Variants in ANO1 observed in about 807,000 individuals in gnomAD.
The protein encoded by ANO1 is anoctamin 1, also known as anoctamin-1.
A neutral mutation model predicts 124.0 loss-of-function variants in ANO1; 59 were observed. The observed-to-expected ratio is 0.48, with a 90% CI of 0.39 to 0.59. The LOEUF (loss-of-function observed/expected upper bound fraction) is 0.59. ANO1 is among the 20% of genes least tolerant of loss of function. The pLI, the probability that ANO1 is intolerant of heterozygous loss-of-function variation, is 0.00. For missense variants in ANO1, 1,059 were observed against 1,328.0 expected (o/e 0.80, Z 3.15); for synonymous variants, 529 against 532.0 (o/e 0.99, Z 0.08).
intron 22 of ANO1, among the ~76,000 whole-genome samples, chr11:70,176,154 C>T (rs866664263): frequency 8.5e-5 from 10 of 117,924 alleles, no homozygotes; most frequent in Non-Finnish European, 1.2e-4. Flanking sequence ...TATATATATA[C>T]ACTTTTTTTT....
the ANO1 span, among the ~76,000 whole-genome samples, chr11:69,970,458 G>A: frequency 0.49 from 74,461 of 152,096 alleles, 19,411 homozygotes; most frequent in South Asian, 0.63. Flanking sequence ...TGTTAGGAAA[G>A]GTTCGTGAAC....
At chr11:70,007,158 C>A (rs1193135060) in intron 1 of ANO1, among the ~76,000 whole-genome samples, 4 of 152,104 alleles carry the variant, frequency 2.6e-5, no homozygotes, top group Non-Finnish European at 5.9e-5. Flanking sequence ...GTTTTAGATA[C>A]CCCATATGAG....
the ANO1 span, among the ~76,000 whole-genome samples, chr11:69,977,719 C>T: frequency 2.0e-5 from 3 of 152,246 alleles, no homozygotes; most frequent in East Asian, 3.9e-4. Context: ...GCCAGCTCCT[C>T]ACCAGGGGAG....
chr11:70,139,354 A>G (rs2047067764), intron 11 of ANO1, among the ~76,000 whole-genome samples: 1 of 147,928 alleles, frequency 6.8e-6, no homozygotes, highest in Non-Finnish European at 1.5e-5. Context: ...ACGGTGTCTC[A>G]CTCTTGTTGT....
chr11:70,075,160 C>T (rs1282765272), upstream of ANO1: 1 of 152,202 alleles, frequency 6.6e-6, no homozygotes, highest in East Asian at 1.9e-4. Flanking sequence ...TGTTCAACTT[C>T]CCACTGAGTT....
intron 1 of ANO1, among the ~76,000 whole-genome samples, chr11:70,045,307 T>C (rs1857241952): frequency 6.6e-6 from 1 of 152,194 alleles, no homozygotes; most frequent in South Asian, 2.1e-4. Context: ...CCTTTTTCAT[T>C]GGTAGAAGTC....
intron 10 of ANO1, 44 bp from the exon 11 acceptor site, chr11:70,131,875 C>G: frequency 6.3e-7 from 1 of 1,575,880 alleles, no homozygotes; most frequent in Non-Finnish European, 8.6e-7. Context: ...GGTGCTCCAT[C>G]ATGGCCCAAC....
At chr11:70,166,174 C>T (rs1468672360) in intron 20 of ANO1, among the ~76,000 whole-genome samples, 1 of 151,982 alleles carries the variant, frequency 6.6e-6, no homozygotes, top group African/African-American at 2.4e-5. Flanking sequence ...AAAAATTAGC[C>T]GGGCGTGGTG....
chr11:70,027,808 A>AGGT (rs1446897136), intron 1 of ANO1, among the ~76,000 whole-genome samples: 2 of 152,292 alleles, frequency 1.3e-5, no homozygotes, highest in South Asian at 2.1e-4. Flanking sequence ...TAGTGGGGAA[A>AGGT]GGTGAGGTGG....
rs114452299 is a variant in ANO1 at position 70,187,839 on chromosome 11, G to C, written c.2796G>C (p.Glu932Asp). 6.9e-5 allele frequency: 111 copies of C among 1,608,962 alleles called. No individual in the cohort carries two copies. In the African/African-American group the frequency reaches 1.4e-3, roughly 20 times the overall value. The stretch of plus-strand genomic sequence containing the variant: ...ACAAGGAGAAGGTGCTCATGGTGGA[G>C]CTGTTCATGCGGGAGGAGCAAGACA... ...QIHKEKVLMVELFMREEQDKQ... is the reference protein window; with the variant it reads ...QIHKEKVLMVDLFMREEQDKQ... The change falls in exon 26 of 26, where the codon GAG (glutamate) becomes GAC (aspartate). Residue 932 changes from glutamate (E) to aspartate (D), a missense_variant. By Grantham distance (45) the Glu-to-Asp change is conservative (BLOSUM62 2). This residue lies in a region of ANO1 where 809 missense variants were observed against 1,094.9 expected (regional missense o/e 0.74). Transcript: ENST00000355303.
At chr11:70,048,778 G>A (rs1049020840) in intron 1 of ANO1, among the ~76,000 whole-genome samples, 7 of 150,902 alleles carry the variant, frequency 4.6e-5, no homozygotes, top group East Asian at 2.0e-4. Flanking sequence ...TGTTTTGTGC[G>A]TGCCGGAGAC....
intron 1 of ANO1, among the ~76,000 whole-genome samples, chr11:70,009,188 G>C (rs1326405966): frequency 6.6e-6 from 1 of 152,300 alleles, no homozygotes; most frequent in East Asian, 1.9e-4. Context: ...AGGACAAAGG[G>C]ACACAGTGGA....
chr11:70,088,073 C>G lies in ANO1; in HGVS notation c.430C>G (p.Arg144Gly). The change falls in exon 2 of 26, where the codon CGG becomes GGG. Residue 144 changes from arginine (R) to glycine (G), a missense_variant. Physicochemically the swap from Arg to Gly is moderately radical, Grantham distance 125. Coordinates refer to ENST00000355303, the MANE Select transcript of ANO1 (RefSeq NM_018043.7). ...NLLEAGLELE[R>G]DEDTKIHGVG... ...CCTGGAGGCGGGCCTGGAGCTGGAGCGGGACGAGGACGTAACTATCTCACT... is the reference window on the plus strand; with the variant it reads ...CCTGGAGGCGGGCCTGGAGCTGGAGGGGGACGAGGACGTAACTATCTCACT... 7.4e-7 allele frequency: 1 copy of G among 1,358,104 alleles called. No homozygotes were observed. The highest frequency in any genetic ancestry group is 9.4e-7 in the Non-Finnish European group (1 of 1,060,340). The allele number at this position is 1,358,104 out of a possible 1,614,324, so 84.1% of individuals were successfully genotyped here. A position where few individuals can be genotyped will look rare whatever the true frequency, so the allele number is the denominator to read the frequency against.
At position 70,111,781 on chromosome 11, in the gene ANO1, C is replaced by T. The variant is rs541126714; in HGVS notation, c.855+19C>T. The T allele has an allele frequency of 2.7e-5, 43 of 1,613,344 alleles. No homozygotes were observed. In the African/African-American group the frequency reaches 2.8e-4, roughly 10 times the overall value. On this transcript the variant is annotated intron_variant, in intron 7 of 25. Transcript: ENST00000355303. ...GCACGATGTAAGTAACCTTGACACA[C>T]GATTTATCTCTGCGTCATTTGACTC...
intron 1 of ANO1, among the ~76,000 whole-genome samples, chr11:70,050,210 C>T (rs1857330640): frequency 6.6e-6 from 1 of 152,210 alleles, no homozygotes; most frequent in Non-Finnish European, 1.5e-5. Flanking sequence ...AATGACAAAA[C>T]TAGCCAAACC....
intron 7 of ANO1, 66 bp downstream of exon 7, chr11:70,111,828 C>A (rs377206237): frequency 2.0e-6 from 3 of 1,520,332 alleles, no homozygotes; most frequent in East Asian, 2.3e-5. Context: ...CCGGGCCACA[C>A]CCCCCCGGGA....
chr11:70,164,039 C>T (rs1011168614), intron 19 of ANO1, among the ~76,000 whole-genome samples: 3 of 151,978 alleles, frequency 2.0e-5, no homozygotes, highest in African/African-American at 7.3e-5. Context: ...CCCTCAAACA[C>T]CATGCTGGTG....
intron 11 of ANO1, among the ~76,000 whole-genome samples, chr11:70,137,458 T>A (rs1208948155): frequency 1.0e-5 from 1 of 98,160 alleles, no homozygotes; most frequent in Non-Finnish European, 2.0e-5. Flanking sequence ...GCTCCTTCCC[T>A]CCCTCGCCTT....
intron 22 of ANO1, among the ~76,000 whole-genome samples, chr11:70,178,930 G>A (rs1300177317): frequency 6.6e-5 from 10 of 152,194 alleles, no homozygotes; most frequent in Non-Finnish European, 1.3e-4. Flanking sequence ...CACTGGCTGG[G>A]GCCAGGGAGC....
Sources: gnomAD v4.1 joint callset for allele counts (sites outside exome capture counted in the v4.1 genomes callset) on GRCh38, gnomAD v4.1.1 for gene constraint, gnomAD v4.1.1 regional missense constraint, MANE v1.5 for transcripts, NCBI Gene and HGNC (gene_info 2026-07-23, HGNC 2026-07-21) for gene names.